ANKHD1: variants seen among roughly 807,000 people sequenced by gnomAD.
ANKHD1 encodes the protein ankyrin repeat and KH domain containing 1, also known as ankyrin repeat and KH domain-containing protein 1.
A neutral mutation model predicts 230.5 loss-of-function variants in ANKHD1; 31 were observed. That is an observed-to-expected ratio of 0.13 (90% CI 0.10 to 0.18). The LOEUF is 0.18. Among genes scored for constraint, ANKHD1 ranks in the 10% least tolerant of loss-of-function variants. The pLI is 1.00. For missense variants in ANKHD1, 2,256 were observed against 3,071.3 expected (o/e 0.73, Z 6.27); for synonymous variants, 1,074 against 1,117.6 (o/e 0.96, Z 0.78).
At chr5:140,447,919 G>C (rs956549720) in intron 6 of ANKHD1, among the ~76,000 whole-genome samples, 1 of 152,152 alleles carries the variant, frequency 6.6e-6, no homozygotes, top group Non-Finnish European at 1.5e-5. Flanking sequence ...CTGCAAGAGG[G>C]GCAGAGAAAC....
intron 29 of ANKHD1, among the ~76,000 whole-genome samples, chr5:140,532,650 C>T (rs1401748826): frequency 2.0e-5 from 3 of 152,106 alleles, no homozygotes; most frequent in East Asian, 1.9e-4. Flanking sequence ...TTGATGTGGT[C>T]ATGAATGCAC....
At chr5:140,502,030 T>C (rs1752328559) in intron 15 of ANKHD1, among the ~76,000 whole-genome samples, 1 of 147,844 alleles carries the variant, frequency 6.8e-6, no homozygotes, top group Admixed American at 6.7e-5. Flanking sequence ...ATAGAGACCC[T>C]ATCTCTTTAA....
intron 29 of ANKHD1, among the ~76,000 whole-genome samples, chr5:140,534,738 TAATA>T (rs1753997503): frequency 6.6e-6 from 1 of 152,236 alleles, no homozygotes; most frequent in African/African-American, 2.4e-5. Context: ...CCTCTTTTCC[TAATA>T]CATTTTCCAG....
Position 140,458,672 on chromosome 5 carries a change from A to T in ANKHD1, c.1290A>T (p.Gln430His), listed in dbSNP as rs1030405187. ...VARLLLDSGA[Q>H]VNMPADSFES... ...GTTTGCTTTTGGATAGTGGTGCTCA[A>T]GTGAACATGCCTGCAGATTCATTTG... The change falls in exon 8 of 34, where the codon CAA becomes CAT. Residue 430 changes from glutamine (Q) to histidine (H), a missense_variant. Gln to His is a conservative substitution (Grantham distance 24). Transcript: ENST00000360839. 6.2e-7 allele frequency: 1 copy of T among 1,611,572 alleles called. No individual in the cohort carries two copies. Among genetic ancestry groups the T allele is most frequent in the Non-Finnish European group, 8.5e-7 (1 of 1,178,668 alleles).
chr5:140,418,708 A>G (rs776416671), intron 1 of ANKHD1, among the ~76,000 whole-genome samples: 13 of 152,210 alleles, frequency 8.5e-5, no homozygotes, highest in Admixed American at 3.3e-4. Flanking sequence ...AAAGATTTCT[A>G]CAATATTGTA....
intron 1 of ANKHD1, among the ~76,000 whole-genome samples, chr5:140,426,503 T>A (rs1378853623): frequency 6.6e-6 from 1 of 151,388 alleles, no homozygotes; most frequent in African/African-American, 2.4e-5. Flanking sequence ...TGAACTTTTT[T>A]ATTTATTTAT....
At chr5:140,532,462 G>T (rs1753876804) in intron 29 of ANKHD1, among the ~76,000 whole-genome samples, 1 of 151,914 alleles carries the variant, frequency 6.6e-6, no homozygotes, top group Non-Finnish European at 1.5e-5. Flanking sequence ...TTGAGACAGG[G>T]CCTCACTCTG....
In ANKHD1 at chr5:140,537,963, C is replaced by T. The variant is rs116732290; in HGVS notation, c.7229-123C>T. On this transcript the variant is annotated intron_variant, in intron 31 of 33. Coordinates refer to ENST00000360839, the MANE Select transcript of ANKHD1 (RefSeq NM_017747.3). ...TTGGCTAGCAAGACTGTGATAAATA[C>T]GCTTTGAGCTCTTCAGAGGAAAGAT... 1.7e-3 allele frequency: 2,343 copies of T among 1,394,554 alleles called. 34 individuals carry two copies. In the African/African-American group the frequency reaches 0.03, roughly 18 times the overall value. The allele number at this position is 1,394,554 out of a possible 1,614,324, so 86.4% of individuals were successfully genotyped here. A position where few individuals can be genotyped will look rare whatever the true frequency, so the allele number is the denominator to read the frequency against.
chr5:140,484,168 A>G (rs987750482), intron 11 of ANKHD1, among the ~76,000 whole-genome samples: 6 of 152,322 alleles, frequency 3.9e-5, no homozygotes, highest in Admixed American at 3.3e-4. Flanking sequence ...ATTTTCTGAA[A>G]ATTAGACAAA....
chr5:140,436,156 C>T lies in ANKHD1; in HGVS notation c.359C>T (p.Thr120Ile). Residue 120 changes from threonine to isoleucine, a missense_variant, in exon 2 of 34, where the codon ACA becomes ATA. Physicochemically the swap from Thr to Ile is moderately conservative, Grantham distance 89. This residue lies in a region of ANKHD1 where 193 missense variants were observed against 185.8 expected (regional missense o/e 1.04). Transcript: ENST00000360839. ...GATCTGGATAACCCAGTGCTTAAAA[C>T]AACATCAGAGATATTCTTATCAAGT... ...QEDLDNPVLK[T>I]TSEIFLSSTA... 1 of 1,604,992 alleles carries T rather than the reference C, an allele frequency of 6.2e-7. No homozygotes were observed. The highest frequency in any genetic ancestry group is 8.5e-7 in the Non-Finnish European group (1 of 1,176,128).
chr5:140,539,211 A>G (rs1754202301), intron 33 of ANKHD1, 128 bp downstream of exon 33: 3 of 1,517,368 alleles, frequency 2.0e-6, no homozygotes, highest in Non-Finnish European at 2.6e-6. Context: ...CTTTTTCAAT[A>G]TCAAGATGAT....
chr5:140,414,144 T>C (rs1283128934), intron 1 of ANKHD1, among the ~76,000 whole-genome samples: 2 of 152,216 alleles, frequency 1.3e-5, no homozygotes, highest in Non-Finnish European at 2.9e-5. Flanking sequence ...TGAATAATGC[T>C]GTTATGAACA....
intron 10 of ANKHD1, among the ~76,000 whole-genome samples, chr5:140,466,743 C>T (rs913072554): frequency 2.0e-5 from 3 of 152,038 alleles, no homozygotes; most frequent in African/African-American, 4.8e-5. Context: ...GTCAGGAATT[C>T]GAGACCAGCC....
chr5:140,430,236 A>G (rs754752617), intron 1 of ANKHD1, among the ~76,000 whole-genome samples: 2 of 152,232 alleles, frequency 1.3e-5, no homozygotes, highest in Non-Finnish European at 2.9e-5. Context: ...GATGGGCCGT[A>G]TTCCTTTACC....
At chr5:140,529,932 T>C (rs1753739886) in intron 29 of ANKHD1, 136 bp downstream of exon 29, 1 of 1,347,532 alleles carries the variant, frequency 7.4e-7, no homozygotes, top group Non-Finnish European at 9.8e-7. Context: ...ATGATTTTTC[T>C]GTCCCTCATA....
At chr5:140,440,898 T>C in intron 4 of ANKHD1, 97 bp from the exon 5 acceptor site, 1 of 1,336,162 alleles carries the variant, frequency 7.5e-7, no homozygotes, top group East Asian at 2.9e-5. Flanking sequence ...CCCACCCCTA[T>C]TCTAGAAGAA....
intron 10 of ANKHD1, among the ~76,000 whole-genome samples, chr5:140,481,587 G>A (rs971257929): frequency 2.0e-5 from 3 of 151,888 alleles, no homozygotes; most frequent in Non-Finnish European, 4.4e-5. Context: ...TGCCTGAGTT[G>A]TAGATCAGAA....
At chr5:140,513,265 G>A (rs1752842654) in intron 23 of ANKHD1, 98 bp from the exon 24 acceptor site, 1 of 1,248,020 alleles carries the variant, frequency 8.0e-7, no homozygotes, top group Non-Finnish European at 1.1e-6. Flanking sequence ...TGACTTTTCA[G>A]TTTGAACTTT....
chr5:140,518,739 C>T (rs796213227), intron 24 of ANKHD1, among the ~76,000 whole-genome samples: 1 of 152,064 alleles, frequency 6.6e-6, no homozygotes, highest in African/African-American at 2.4e-5. Flanking sequence ...ATTCAACAAC[C>T]CTTCATGCTA....
Sources: allele counts gnomAD v4.1 joint callset (sites outside exome capture counted in the v4.1 genomes callset), GRCh38; gene constraint gnomAD v4.1.1; regional missense constraint gnomAD v4.1.1; transcripts MANE v1.5; gene names NCBI Gene and HGNC (gene_info 2026-07-23, HGNC 2026-07-21).